Variants in WDR33 observed in about 807,000 individuals in gnomAD.
WDR33 encodes pre-mRNA 3' end processing protein WDR33.
A neutral mutation model predicts 164.9 loss-of-function variants in WDR33; 47 were observed. That is an observed-to-expected ratio of 0.29 (90% CI 0.23 to 0.36). WDR33 has a LOEUF of 0.36. WDR33 is among the 10% of genes least tolerant of loss of function. The pLI is 1.00. For missense variants in WDR33, 1,137 were observed against 1,754.1 expected (o/e 0.65, Z 6.28); for synonymous variants, 505 against 589.0 (o/e 0.86, Z 2.06).
chr2:127,738,769 A>G lies in WDR33; in HGVS notation c.725-11992T>C, dbSNP rs1360140920. Among the ~76,000 whole-genome samples, 1 of 152,226 alleles carries G rather than the reference A, an allele frequency of 6.6e-6. No homozygotes were observed. Among genetic ancestry groups the G allele is most frequent in the Non-Finnish European group, 1.5e-5 (1 of 68,042 alleles). On this transcript the variant is annotated intron_variant, in intron 7 of 21. Coordinates refer to ENST00000322313, the MANE Select transcript of WDR33 (RefSeq NM_018383.5). The surrounding 1 kb of genome is among the most constrained non-coding windows in gnomAD (Gnocchi z 4.4). ...ACTTCTCATCAACACACTAGCTGCA[A>G]GAAGAGAGTGGGGCTACTCAGGGCA... is the stretch of plus-strand genomic sequence containing the variant.
In WDR33 at chr2:127,722,913, G is replaced by T; in HGVS notation, c.1378+45C>A. On this transcript the variant is annotated intron_variant, in intron 13 of 21. Transcript: ENST00000322313. The surrounding 1 kb of genome is among the most constrained non-coding windows in gnomAD (Gnocchi z 5.1). ...TTTATCAGGAACATAAACGGGTCAA[G>T]AAAAAATTTGTAAAAATTAAATGTG... is the stretch of plus-strand genomic sequence containing the variant. The T allele has an allele frequency of 6.4e-7, 1 of 1,552,632 alleles. No homozygotes were observed. Among genetic ancestry groups the T allele is most frequent in the Non-Finnish European group, 8.7e-7 (1 of 1,148,350 alleles).
chr2:127,709,350 G>T lies in WDR33; in HGVS notation c.3565+140C>A. ...CCACCTGCTGAGATCAAGTGCTGCG[G>T]CTGCAGGACAGGAGACAGCCCAGCC... On this transcript the variant is annotated intron_variant, in intron 20 of 21. Coordinates refer to ENST00000322313, the MANE Select transcript of WDR33 (RefSeq NM_018383.5). This position sits in a 1 kb window ranked among gnomAD's most constrained non-coding sequence, Gnocchi z 5.0. 1 of 749,434 alleles carries T rather than the reference G, an allele frequency of 1.3e-6. No homozygotes were observed. Among genetic ancestry groups the T allele is most frequent in the Non-Finnish European group, 2.3e-6 (1 of 440,362 alleles). 46.4% of individuals were successfully genotyped at this position (749,434 alleles called of 1,614,324 possible).
intron 7 of WDR33, among the ~76,000 whole-genome samples, chr2:127,751,118 T>C (rs1019904391): frequency 6.6e-5 from 10 of 151,874 alleles, no homozygotes; most frequent in African/African-American, 2.4e-4. Flanking sequence ...CTCAGTACTT[T>C]GGAAGGCAGA....
intron 7 of WDR33, among the ~76,000 whole-genome samples, chr2:127,750,677 AATATATAT>A (rs1161071581): frequency 2.2e-3 from 78 of 35,772 alleles, no homozygotes; most frequent in African/African-American, 5.3e-3. Context: ...AAAAAAAAAA[AATATATAT>A]ATATATATAT....
chr2:127,757,986 G>C (rs185588951), intron 7 of WDR33, among the ~76,000 whole-genome samples: 1 of 152,086 alleles, frequency 6.6e-6, no homozygotes, highest in African/African-American at 2.4e-5. Context: ...TGGTGAGTAC[G>C]TAAGTGTTCA....
At chr2:127,753,132 G>A (rs1687421505) in intron 7 of WDR33, among the ~76,000 whole-genome samples, 1 of 151,666 alleles carries the variant, frequency 6.6e-6, no homozygotes, top group Admixed American at 6.6e-5. Flanking sequence ...TCACCATGTT[G>A]GCCAGGCTGG....
chr2:127,750,670 AAAAAAAAATATATATATATATATATATAT>A (rs1207899289), intron 7 of WDR33, among the ~76,000 whole-genome samples: 2 of 70,672 alleles, frequency 2.8e-5, no homozygotes, highest in Non-Finnish European at 5.0e-5. Flanking sequence ...AAAAAAAAAA[AAAAAAAAATATATATATATATATATATAT>A]ATATATATAT....
rs1686442963 is a variant in WDR33, at chr2:127,721,731, G to A, written c.1671+105C>T. The A allele has an allele frequency of 1.6e-6, 2 of 1,246,308 alleles. No homozygotes were observed. Among genetic ancestry groups the A allele is most frequent in the Non-Finnish European group, 2.2e-6 (2 of 914,684 alleles). 77.2% of individuals were successfully genotyped at this position (1,246,308 alleles called of 1,614,324 possible). A position where few individuals can be genotyped will look rare whatever the true frequency, so the allele number is the denominator to read the frequency against. ...CAACAGGAAATGGCGGTGTTTGTCAGACCATGGGAGAGCCCCTTCCCTTTT... is the reference window on the plus strand; with the variant it reads ...CAACAGGAAATGGCGGTGTTTGTCAAACCATGGGAGAGCCCCTTCCCTTTT... On this transcript the variant is annotated intron_variant, in intron 15 of 21. Transcript: ENST00000322313. This position sits in a 1 kb window ranked among gnomAD's most constrained non-coding sequence, Gnocchi z 4.9.
intron 2 of WDR33, among the ~76,000 whole-genome samples, chr2:127,769,701 G>A (rs1317409732): frequency 1.3e-5 from 2 of 152,110 alleles, no homozygotes; most frequent in Non-Finnish European, 2.9e-5. Context: ...ATCAAAATCT[G>A]TCTTTATCTC....
chr2:127,731,828 G>A (rs1032138969), intron 7 of WDR33, among the ~76,000 whole-genome samples: 1 of 152,170 alleles, frequency 6.6e-6, no homozygotes, highest in African/African-American at 2.4e-5. Context: ...GCTCACACCT[G>A]TAATGCCAGT....
At chr2:127,729,202 A>G (rs1461570470) in intron 7 of WDR33, among the ~76,000 whole-genome samples, 1 of 152,246 alleles carries the variant, frequency 6.6e-6, no homozygotes, top group East Asian at 1.9e-4. Context: ...AAGTATGTGT[A>G]GCGACTCATT....
chr2:127,764,354 C>T lies in WDR33; in HGVS notation c.626+474G>A. ...TATCTGTGAGGGTTTTAGTCCTATA[C>T]TTTCCTTTGGAAGTCGTGGCATAAC... On this transcript the variant is annotated intron_variant, in intron 6 of 21. Coordinates refer to ENST00000322313, the MANE Select transcript of WDR33 (RefSeq NM_018383.5). The surrounding 1 kb of genome is among the most constrained non-coding windows in gnomAD (Gnocchi z 6.2). 1 of 1,420,846 alleles carries T rather than the reference C, an allele frequency of 7.0e-7. No homozygotes were observed. The highest frequency in any genetic ancestry group is 9.2e-7 in the Non-Finnish European group (1 of 1,089,216). 88.0% of individuals were successfully genotyped at this position (1,420,846 alleles called of 1,614,324 possible).
At chr2:127,787,447 C>T (rs774423603) in intron 1 of WDR33, among the ~76,000 whole-genome samples, 9,804 of 134,014 alleles carry the variant, frequency 0.073, 550 homozygotes, top group Non-Finnish European at 0.087. Context: ...GGCAGAGGCG[C>T]CCCTCACCTC....
At chr2:127,759,912 T>C (rs1323340884) in intron 7 of WDR33, among the ~76,000 whole-genome samples, 4 of 152,062 alleles carry the variant, frequency 2.6e-5, no homozygotes, top group Non-Finnish European at 5.9e-5. Context: ...AGAAGTATAG[T>C]ATCATGACTT....
intron 1 of WDR33, among the ~76,000 whole-genome samples, chr2:127,799,463 C>T (rs1018150037): frequency 6.6e-6 from 1 of 152,102 alleles, no homozygotes; most frequent in South Asian, 2.1e-4. Flanking sequence ...AACCCAATTT[C>T]TTAAATGGGC....
In WDR33 at chr2:127,717,112, G is replaced by A. The variant is rs769315224; in HGVS notation, c.2869+43C>T. 6.5e-7 allele frequency: 1 copy of A among 1,537,284 alleles called. No individual in the cohort carries two copies. Among genetic ancestry groups the A allele is most frequent in the Non-Finnish European group, 8.8e-7 (1 of 1,130,982 alleles). The stretch of plus-strand genomic sequence containing the variant: ...TTATTCACTGTAAAATGTGCACAAA[G>A]GTGGTAGAATATAATCTTTTATTCA... On this transcript the variant is annotated intron_variant, in intron 17 of 21. Coordinates refer to ENST00000322313, the MANE Select transcript of WDR33 (RefSeq NM_018383.5). The surrounding 1 kb of genome is among the most constrained non-coding windows in gnomAD (Gnocchi z 5.6).
chr2:127,740,412 C>A (rs1026910274), intron 7 of WDR33, among the ~76,000 whole-genome samples: 4 of 152,140 alleles, frequency 2.6e-5, no homozygotes. Context: ...CATACACACA[C>A]GCTGGGTGTC....
intron 1 of WDR33, among the ~76,000 whole-genome samples, chr2:127,792,097 C>G (rs933828369): frequency 6.7e-4 from 101 of 151,878 alleles, no homozygotes; most frequent in African/African-American, 2.3e-3. Context: ...CACCACCACG[C>G]CCGGCTAATT....
At chr2:127,760,066 T>C (rs946129117) in intron 7 of WDR33, among the ~76,000 whole-genome samples, 3 of 152,124 alleles carry the variant, frequency 2.0e-5, no homozygotes, top group African/African-American at 7.2e-5. Flanking sequence ...AGACAAGTTG[T>C]AAGGAAGCAG....
Sources: gnomAD v4.1 joint callset for allele counts (sites outside exome capture counted in the v4.1 genomes callset) on GRCh38, gnomAD v4.1.1 for gene constraint, Gnocchi (gnomAD v3.1) non-coding constraint, MANE v1.5 for transcripts, NCBI Gene and HGNC (gene_info 2026-07-23, HGNC 2026-07-21) for gene names.